ERC2: variants seen among roughly 807,000 people sequenced by gnomAD.
ERC2 encodes the protein ELKS/RAB6-interacting/CAST family member 2, also known as ERC protein 2.
In ERC2, 42 loss-of-function variants were observed where a neutral mutation model predicts 114.8. That is an observed-to-expected ratio of 0.37 (90% CI 0.29 to 0.47). The LOEUF is 0.47. ERC2 is among the 20% of genes least tolerant of loss of function. ERC2 has a pLI of 0.99. For synonymous variants in ERC2, 454 were observed against 425.5 expected (o/e 1.07, Z -0.82); for missense variants, 939 against 1,150.7 (o/e 0.82, Z 2.66).
intron 17 of ERC2, among the ~76,000 whole-genome samples, chr3:55,661,912 G>A (rs1179043601): frequency 1.3e-5 from 2 of 152,060 alleles, no homozygotes; most frequent in East Asian, 1.9e-4. Context: ...ATTTATCAGG[G>A]AAATTCCCTT....
At chr3:55,860,516 A>G (rs577784516) in intron 14 of ERC2, among the ~76,000 whole-genome samples, 13 of 152,216 alleles carry the variant, frequency 8.5e-5, no homozygotes, top group Admixed American at 7.2e-4. Flanking sequence ...ATCGCCCCAA[A>G]GCATAATTAG....
chr3:56,146,377 A>G (rs2081135874), intron 5 of ERC2, among the ~76,000 whole-genome samples: 1 of 152,224 alleles, frequency 6.6e-6, no homozygotes, highest in South Asian at 2.1e-4. Flanking sequence ...TTATAGTTCA[A>G]TCCAATAAGA....
intron 12 of ERC2, among the ~76,000 whole-genome samples, chr3:55,957,247 G>A (rs1171010659): frequency 1.3e-5 from 2 of 152,110 alleles, no homozygotes; most frequent in East Asian, 3.9e-4. Flanking sequence ...TAAAATGGTT[G>A]AATCATATGT....
At chr3:55,703,646 C>A (rs1267327883) in intron 15 of ERC2, among the ~76,000 whole-genome samples, 1 of 152,158 alleles carries the variant, frequency 6.6e-6, no homozygotes, top group African/African-American at 2.4e-5. Flanking sequence ...AGTCTCATGT[C>A]TTAGCTGTAA....
At chr3:56,200,873 G>C (rs1419457466) in intron 3 of ERC2, among the ~76,000 whole-genome samples, 1 of 152,178 alleles carries the variant, frequency 6.6e-6, no homozygotes, top group Non-Finnish European at 1.5e-5. Flanking sequence ...CTACAAATCA[G>C]GAATTTCATT....
At chr3:55,723,052 A>G (rs1030923090) in intron 15 of ERC2, among the ~76,000 whole-genome samples, 1 of 152,238 alleles carries the variant, frequency 6.6e-6, no homozygotes, top group Non-Finnish European at 1.5e-5. Context: ...TAAAAGTGAA[A>G]AGCTAGAAAC....
chr3:55,694,126 G>C (rs749973908), intron 16 of ERC2, among the ~76,000 whole-genome samples: 1 of 152,198 alleles, frequency 6.6e-6, no homozygotes, highest in Non-Finnish European at 1.5e-5. Context: ...CATCATAGTT[G>C]TGCAATCATA....
At chr3:56,279,938 A>C (rs2054239515) in intron 3 of ERC2, among the ~76,000 whole-genome samples, 1 of 152,196 alleles carries the variant, frequency 6.6e-6, no homozygotes, top group Non-Finnish European at 1.5e-5. Flanking sequence ...CTAATTCCCA[A>C]ATCCTGTGTA....
intron 14 of ERC2, among the ~76,000 whole-genome samples, chr3:55,854,001 G>A (rs534715223): frequency 6.6e-5 from 10 of 152,304 alleles, no homozygotes; most frequent in Non-Finnish European, 1.0e-4. Context: ...CAGGCCCAGC[G>A]CGGCGGCTCA....
At chr3:56,458,245 T>C (rs2063153563) in intron 1 of ERC2, among the ~76,000 whole-genome samples, 2 of 152,138 alleles carry the variant, frequency 1.3e-5, no homozygotes. Flanking sequence ...AAAATATATA[T>C]ATAATAGATC....
At chr3:56,450,820 G>A (rs764075942) in intron 1 of ERC2, among the ~76,000 whole-genome samples, 2 of 151,980 alleles carry the variant, frequency 1.3e-5, no homozygotes, top group Non-Finnish European at 2.9e-5. Flanking sequence ...GACACAGAGA[G>A]ACCTTATCTC....
intron 3 of ERC2, among the ~76,000 whole-genome samples, chr3:56,200,348 G>GAAA (rs5849133): frequency 1.6e-4 from 22 of 141,382 alleles, no homozygotes; most frequent in African/African-American, 2.6e-4. Flanking sequence ...ATACTCAGGG[G>GAAA]AAAAAAAAAA....
intron 2 of ERC2, among the ~76,000 whole-genome samples, chr3:56,309,590 G>C (rs551479799): frequency 2.0e-5 from 3 of 152,196 alleles, no homozygotes; most frequent in Admixed American, 2.0e-4. Context: ...TTGAATCCTG[G>C]ATCTACCCAT....
intron 14 of ERC2, among the ~76,000 whole-genome samples, chr3:55,759,485 A>AC (rs1462425593): frequency 1.2e-4 from 16 of 131,776 alleles, no homozygotes; most frequent in African/African-American, 4.4e-4. Context: ...AAAAAAAAAA[A>AC]AAAAAAAAAA....
At chr3:55,920,482 A>T (rs73083355) in intron 13 of ERC2, among the ~76,000 whole-genome samples, 6,026 of 151,430 alleles carry the variant, frequency 0.04, 173 homozygotes, top group Middle Eastern at 0.082. Context: ...CTGTCCAAAA[A>T]CTCAACAGGC....
intron 14 of ERC2, among the ~76,000 whole-genome samples, chr3:55,762,789 A>G (rs1201446249): frequency 6.6e-6 from 1 of 152,202 alleles, no homozygotes; most frequent in African/African-American, 2.4e-5. Context: ...TACAAAAGAG[A>G]GACGCAAGGA....
At chr3:55,618,084 T>C (rs1223353284) in intron 17 of ERC2, among the ~76,000 whole-genome samples, 1 of 152,086 alleles carries the variant, frequency 6.6e-6, no homozygotes, top group Non-Finnish European at 1.5e-5. Context: ...ATAAGATTGG[T>C]GTTTACTTCT....
intron 13 of ERC2, among the ~76,000 whole-genome samples, chr3:55,900,273 A>G (rs13322687): frequency 0.36 from 55,218 of 151,810 alleles, 12,036 homozygotes; most frequent in African/African-American, 0.61. Context: ...TTTCTTTCTT[A>G]TTTTGTTTGG....
chr3:56,249,805 T>A (rs1291369573), intron 3 of ERC2, among the ~76,000 whole-genome samples: 2 of 151,944 alleles, frequency 1.3e-5, no homozygotes, highest in Non-Finnish European at 2.9e-5. Flanking sequence ...GTATCCATTT[T>A]ATCTGACATT....
Sources: allele counts gnomAD v4.1 joint callset (sites outside exome capture counted in the v4.1 genomes callset), GRCh38; gene constraint gnomAD v4.1.1; transcripts MANE v1.5; gene names NCBI Gene and HGNC (gene_info 2026-07-23, HGNC 2026-07-21).